Variants in HEATR4 observed in about 807,000 individuals in gnomAD.
HEATR4 encodes the protein HEAT repeat-containing protein 4.
In HEATR4, 95 loss-of-function variants were observed where a neutral mutation model predicts 108.8. The observed-to-expected ratio is 0.87, with a 90% CI of 0.74 to 1.04. HEATR4 has a LOEUF of 1.04. HEATR4 is among the 50% of genes least tolerant of loss of function. The pLI is 0.00. For missense variants in HEATR4, 1,152 were observed against 1,253.8 expected, an observed-to-expected ratio of 0.92 and a Z score of 1.23; for synonymous variants, 443 against 459.4, an observed-to-expected ratio of 0.96 and a Z score of 0.46.
chr14:73,595,319 A>G, the HEATR4 span: 9 of 1,614,224 alleles, frequency 5.6e-6, no homozygotes, highest in Admixed American at 5.0e-5. Flanking sequence ...CATGATTCCA[A>G]TAGAGAAGGC....
the HEATR4 span, chr14:73,569,539 T>C: frequency 3.7e-6 from 6 of 1,605,700 alleles, no homozygotes; most frequent in South Asian, 2.2e-5. Flanking sequence ...CGCGCGTCCC[T>C]GCGCGACGAG....
chr14:73,615,718 A>G, the HEATR4 span, among the ~76,000 whole-genome samples: 1 of 151,564 alleles, frequency 6.6e-6, no homozygotes, highest in African/African-American at 2.4e-5. Flanking sequence ...GGGCAACAAG[A>G]GTGAAACCTT....
At chr14:73,575,371 A>G in the HEATR4 span, 37 of 1,153,202 alleles carry the variant, frequency 3.2e-5, no homozygotes, top group Non-Finnish European at 4.2e-5. Flanking sequence ...GCTTCCCTGC[A>G]TGCCTTGGTG....
chr14:73,613,701 G>C, the HEATR4 span, among the ~76,000 whole-genome samples: 1 of 152,188 alleles, frequency 6.6e-6, no homozygotes, highest in Non-Finnish European at 1.5e-5. Flanking sequence ...AGAGGCCAGA[G>C]ATGCTGCTAA....
the HEATR4 span, among the ~76,000 whole-genome samples, chr14:73,624,330 T>C: frequency 1.3e-5 from 2 of 152,098 alleles, no homozygotes; most frequent in Non-Finnish European, 2.9e-5. Context: ...GGTTTCGCCA[T>C]GTTGCCCAGG....
At chr14:73,609,989 T>G in the HEATR4 span, among the ~76,000 whole-genome samples, 1 of 151,704 alleles carries the variant, frequency 6.6e-6, no homozygotes, top group Non-Finnish European at 1.5e-5. Flanking sequence ...TTTAGACTAA[T>G]TGGGAGGAGT....
chr14:73,525,240 C>T (rs1888254375), intron 2 of HEATR4, among the ~76,000 whole-genome samples: 1 of 152,036 alleles, frequency 6.6e-6, no homozygotes, highest in Admixed American at 6.6e-5. Flanking sequence ...CACTATGTTG[C>T]CCAGGCTGGT....
intron 17 of HEATR4, among the ~76,000 whole-genome samples, chr14:73,486,599 G>C (rs1487178864): frequency 6.6e-6 from 1 of 152,000 alleles, no homozygotes; most frequent in Admixed American, 6.6e-5. Flanking sequence ...TTGGGAGGTG[G>C]AGACAGGAGA....
rs1370180001 is a variant in HEATR4 at position 73,555,948 on chromosome 14, C to T, written c.-152+2803G>A. 1.3e-4 allele frequency among the ~76,000 whole-genome samples: 14 copies of T among 110,322 alleles called. 3 individuals are homozygous for T. Among genetic ancestry groups the T allele is most frequent in the African/African-American group, 3.5e-4 (12 of 34,230 alleles). 72.4% of individuals were successfully genotyped at this position (110,322 alleles called of 152,430 possible). A position where few individuals can be genotyped will look rare whatever the true frequency, so the allele number is the denominator to read the frequency against. The stretch of plus-strand genomic sequence containing the variant: ...TGAACCTGACAAGCAGAGGTTGCAG[C>T]GAGCCGAGATCGTGCCACCGCACTC... On this transcript the variant is annotated intron_variant, in intron 1 of 17. Transcript: ENST00000553558.
chr14:73,622,189 G>A, the HEATR4 span, among the ~76,000 whole-genome samples: 1 of 152,206 alleles, frequency 6.6e-6, no homozygotes, highest in African/African-American at 2.4e-5. Context: ...GAGGAAAGTG[G>A]CAGGGAGGAT....
chr14:73,591,736 C>G, the HEATR4 span: 2 of 422,108 alleles, frequency 4.7e-6, no homozygotes, highest in Non-Finnish European at 8.1e-6. Context: ...GCCCCGGGGC[C>G]CAAGGAGACG....
chr14:73,498,403 C>T (rs1886230541), intron 13 of HEATR4, 59 bp from the exon 14 acceptor site: 2 of 1,440,816 alleles, frequency 1.4e-6, no homozygotes, highest in Non-Finnish European at 1.9e-6. Flanking sequence ...TTCTAGCATC[C>T]AGAAATAAAT....
At chr14:73,479,087 C>A (rs1885135421) in intron 17 of HEATR4, among the ~76,000 whole-genome samples, 1 of 151,586 alleles carries the variant, frequency 6.6e-6, no homozygotes, top group Non-Finnish European at 1.5e-5. Context: ...TACAGGCGCC[C>A]GCCACCACGC....
At chr14:73,514,564 G>A (rs867249091) in intron 5 of HEATR4, among the ~76,000 whole-genome samples, 8 of 152,252 alleles carry the variant, frequency 5.3e-5, no homozygotes, top group Middle Eastern at 3.4e-3. Context: ...TATATGTAAC[G>A]AGATTTGCTC....
the HEATR4 span, among the ~76,000 whole-genome samples, chr14:73,620,885 A>G: frequency 6.6e-6 from 1 of 151,234 alleles, no homozygotes; most frequent in African/African-American, 2.4e-5. Context: ...ATTCTTGCCC[A>G]TACACATTGC....
the HEATR4 span, chr14:73,569,071 G>A: frequency 2.4e-6 from 2 of 836,254 alleles, no homozygotes; most frequent in Non-Finnish European, 3.7e-6. Flanking sequence ...AGCAAACCTA[G>A]GAAGTAGCTT....
chr14:73,593,427 C>G, the HEATR4 span, among the ~76,000 whole-genome samples: 13 of 148,310 alleles, frequency 8.8e-5, no homozygotes, highest in East Asian at 2.2e-3. Context: ...CAGCCTTGAC[C>G]TCTGGGGCTC....
At chr14:73,478,939 CT>C (rs78544465) in intron 17 of HEATR4, 97 bp from the exon 18 acceptor site, 21,044 of 631,260 alleles carry the variant, frequency 0.033, 10 homozygotes, top group South Asian at 0.046. Flanking sequence ...AGGGTGTCTC[CT>C]TTTTTTTTTT....
intron 9 of HEATR4, among the ~76,000 whole-genome samples, chr14:73,507,901 C>T (rs984601862): frequency 2.0e-5 from 3 of 152,174 alleles, no homozygotes; most frequent in African/African-American, 7.2e-5. Context: ...GGTACCACTG[C>T]ACCTGTCTAA....
Sources: gnomAD v4.1 joint callset for allele counts (sites outside exome capture counted in the v4.1 genomes callset) on GRCh38, gnomAD v4.1.1 for gene constraint, MANE v1.5 for transcripts, NCBI Gene and HGNC (gene_info 2026-07-23, HGNC 2026-07-21) for gene names.